Variants in QRSL1 observed in about 807,000 individuals in gnomAD.
QRSL1 encodes glutaminyl-tRNA amidotransferase subunit QRSL1.
A neutral mutation model predicts 61.6 loss-of-function variants in QRSL1; 54 were observed. The ratio of observed to expected loss-of-function variants is 0.88; its 90% confidence interval spans 0.70 to 1.10. The LOEUF is 1.10. Among genes scored for constraint, QRSL1 ranks in the 50% least tolerant of loss-of-function variants. The probability of loss-of-function intolerance (pLI) is 0.00; values close to 1 mark genes in which losing one functional copy is unlikely to be tolerated. For missense variants in QRSL1, 505 were observed against 622.6 expected (o/e 0.81, Z 2.01); for synonymous variants, 228 against 225.7 (o/e 1.01, Z -0.09).
At chr6:106,652,173 A>G (rs376115481) in intron 5 of QRSL1, 36 bp from the exon 6 acceptor site, 1 of 1,552,494 alleles carries the variant, frequency 6.4e-7, no homozygotes, top group Non-Finnish European at 8.8e-7. Context: ...TTAGAGATAT[A>G]TCATTCTTCT....
chr6:106,645,668 G>A (rs112964395), intron 4 of QRSL1, among the ~76,000 whole-genome samples: 99 of 152,258 alleles, frequency 6.5e-4, no homozygotes, highest in Non-Finnish European at 9.9e-4. Flanking sequence ...TGATCCGCCC[G>A]CCTCGTCCTC....
At position 106,666,265 on chromosome 6, in the gene QRSL1, T is replaced by C; in HGVS notation, c.*263T>C. 2.3e-6 allele frequency: 1 copy of C among 435,752 alleles called. No homozygotes were observed. Among genetic ancestry groups the C allele is most frequent in the South Asian group, 2.1e-5 (1 of 46,996 alleles). 27.0% of individuals were successfully genotyped at this position (435,752 alleles called of 1,614,324 possible). A position where few individuals can be genotyped will look rare whatever the true frequency, so the allele number is the denominator to read the frequency against. On this transcript the variant is annotated 3_prime_UTR_variant, in exon 11 of 11. Transcript: ENST00000369046. ...AGGTGGAGGTTGCAGTGAGCCGAGA[T>C]CATGCCACTGCACTGCACTCCAGCC...
Position 106,667,341 on chromosome 6 carries a change from G to A in QRSL1, c.*1339G>A, listed in dbSNP as rs998280746. On this transcript the variant is annotated 3_prime_UTR_variant, in exon 11 of 11. Coordinates refer to ENST00000369046, the MANE Select transcript of QRSL1 (RefSeq NM_018292.5). The stretch of plus-strand genomic sequence containing the variant: ...ACCCTCGAGCCCAGAGATATTAATG[G>A]ATATCTGTATTCAATATTTGACAAA... 1 of 152,036 alleles carries A rather than the reference G, an allele frequency of 6.6e-6. No homozygotes were observed. Among genetic ancestry groups the A allele is most frequent in the Non-Finnish European group, 1.5e-5 (1 of 68,020 alleles). The allele number at this position is 152,036 out of a possible 1,614,324, so 9.4% of individuals were successfully genotyped here.
intron 1 of QRSL1, among the ~76,000 whole-genome samples, chr6:106,632,670 T>C (rs896684934): frequency 6.6e-6 from 1 of 152,218 alleles, no homozygotes; most frequent in Non-Finnish European, 1.5e-5. Flanking sequence ...TGAGATGATA[T>C]CTCATTGTAG....
At chr6:106,652,425 TA>T in intron 6 of QRSL1, 41 bp downstream of exon 6, 1 of 1,613,598 alleles carries the variant, frequency 6.2e-7, no homozygotes, top group Non-Finnish European at 8.5e-7. Context: ...AGCTTCTCTA[TA>T]AAACAATATA....
At chr6:106,665,620 TA>T (rs1322941021) in intron 10 of QRSL1, among the ~76,000 whole-genome samples, 161 bp from the exon 11 acceptor site, 1 of 152,250 alleles carries the variant, frequency 6.6e-6, no homozygotes, top group Non-Finnish European at 1.5e-5. Flanking sequence ...GATATATTGT[TA>T]AGTAAACAAA....
At chr6:106,665,014 C>CT (rs149380106) in intron 10 of QRSL1, among the ~76,000 whole-genome samples, 2 of 152,068 alleles carry the variant, frequency 1.3e-5, no homozygotes, top group Non-Finnish European at 2.9e-5. Context: ...AAGAGCCTTC[C>CT]TTTTTTTCTT....
chr6:106,639,186 C>T (rs1475095131), intron 1 of QRSL1, among the ~76,000 whole-genome samples: 8 of 132,210 alleles, frequency 6.1e-5, no homozygotes, highest in African/African-American at 1.8e-4. Flanking sequence ...AGTGCAGTGG[C>T]GCGATCTTGG....
Position 106,663,169 on chromosome 6 carries a change from A to G in QRSL1, c.1350A>G (p.Gln450=). 6.2e-7 allele frequency: 1 copy of G among 1,613,886 alleles called. No homozygotes were observed. The highest frequency in any genetic ancestry group is 2.2e-5 in the East Asian group (1 of 44,872). The stretch of plus-strand genomic sequence containing the variant: ...GTGCCCAGGATGATATTTTTACACA[A>G]GCTGTAAATATGGCAGGTGAGGATT... ...TRSAQDDIFT[Q]AVNMAGLPAV... is the part of the protein sequence containing the mutation. Residue 450 remains glutamine (Q), a synonymous_variant, in exon 10 of 11, where the codon CAA becomes CAG. Coordinates refer to ENST00000369046, the MANE Select transcript of QRSL1 (RefSeq NM_018292.5).
At chr6:106,634,487 C>G (rs1337041906) in intron 1 of QRSL1, among the ~76,000 whole-genome samples, 1 of 152,332 alleles carries the variant, frequency 6.6e-6, no homozygotes. Context: ...CAAAGACTGA[C>G]CGGGTGCAAT....
chr6:106,657,299 G>T (rs1777286924), intron 9 of QRSL1, among the ~76,000 whole-genome samples: 1 of 151,144 alleles, frequency 6.6e-6, no homozygotes. Flanking sequence ...ATTTGGTTAT[G>T]TTCCAGATTA....
rs1381199451 is a variant in QRSL1, at chr6:106,666,751, A to T, written c.*749A>T. The T allele has an allele frequency of 6.6e-6, 1 of 152,290 alleles. No homozygotes were observed. The highest frequency in any genetic ancestry group is 1.5e-5 in the Non-Finnish European group (1 of 68,128). 9.4% of individuals were successfully genotyped at this position (152,290 alleles called of 1,614,324 possible). A position where few individuals can be genotyped will look rare whatever the true frequency, so the allele number is the denominator to read the frequency against. The stretch of plus-strand genomic sequence containing the variant: ...GGGGTTGTTAAAAATGCACAGAAAC[A>T]ATTGAGTGCGATTATTGGCTTCTGA... On this transcript the variant is annotated 3_prime_UTR_variant, in exon 11 of 11. Coordinates refer to ENST00000369046, the MANE Select transcript of QRSL1 (RefSeq NM_018292.5).
Position 106,655,747 on chromosome 6 carries a change from T to G in QRSL1, c.1160+15T>G. On this transcript the variant is annotated intron_variant, in intron 9 of 10. Coordinates refer to ENST00000369046, the MANE Select transcript of QRSL1 (RefSeq NM_018292.5). ...TTATTAAAAGAGTAAGACAACTCATTTAGGAATTTTCTTCATTCTTGAAAC... is the reference window on the plus strand; with the variant it reads ...TTATTAAAAGAGTAAGACAACTCATGTAGGAATTTTCTTCATTCTTGAAAC... 1 of 1,505,320 alleles carries G rather than the reference T, an allele frequency of 6.6e-7. No homozygotes were observed. The highest frequency in any genetic ancestry group is 1.4e-5 in the African/African-American group (1 of 72,542). The allele number at this position is 1,505,320 out of a possible 1,614,324, so 93.2% of individuals were successfully genotyped here.
intron 9 of QRSL1, 61 bp from the exon 10 acceptor site, chr6:106,662,919 T>C: frequency 2.2e-6 from 3 of 1,357,914 alleles, no homozygotes; most frequent in Non-Finnish European, 3.1e-6. Context: ...TAATGTAAGA[T>C]AATTGATTAA....
At chr6:106,661,232 G>A (rs965075646) in intron 9 of QRSL1, among the ~76,000 whole-genome samples, 2 of 152,056 alleles carry the variant, frequency 1.3e-5, no homozygotes, top group African/African-American at 4.8e-5. Context: ...TCCTGCCTCA[G>A]CCTCCCCAGT....
chr6:106,665,196 T>G (rs977973882), intron 10 of QRSL1, among the ~76,000 whole-genome samples: 7 of 152,222 alleles, frequency 4.6e-5, no homozygotes, highest in Non-Finnish European at 7.3e-5. Flanking sequence ...GATTTTGTAC[T>G]TTCTCTGCCC....
At chr6:106,653,678 G>T (rs1466741083) in intron 7 of QRSL1, 2 of 152,010 alleles carry the variant, frequency 1.3e-5, no homozygotes, top group Non-Finnish European at 2.9e-5. Context: ...TAAAAAAATT[G>T]TGGGGTGTGG....
At chr6:106,635,823 A>T (rs1043847376) in intron 1 of QRSL1, among the ~76,000 whole-genome samples, 4 of 151,842 alleles carry the variant, frequency 2.6e-5, no homozygotes, top group Admixed American at 6.6e-5. Context: ...GTGAGCCGAG[A>T]TCGCACCACT....
intron 1 of QRSL1, among the ~76,000 whole-genome samples, chr6:106,638,965 A>C (rs1290305646): frequency 6.6e-6 from 1 of 152,178 alleles, no homozygotes; most frequent in East Asian, 1.9e-4. Context: ...GAGTAGAGAT[A>C]GAAATGGTGA....
Sources: gnomAD v4.1 joint callset for allele counts (sites outside exome capture counted in the v4.1 genomes callset) on GRCh38, gnomAD v4.1.1 for gene constraint, MANE v1.5 for transcripts, NCBI Gene and HGNC (gene_info 2026-07-23, HGNC 2026-07-21) for gene names.